Variants in DCLK1 observed in about 807,000 individuals in gnomAD.
DCLK1 encodes doublecortin like kinase 1.
Under a neutral mutation model 86.2 loss-of-function variants are expected in DCLK1, and 16 were observed. The observed-to-expected ratio is 0.19, with a 90% CI of 0.13 to 0.28. DCLK1 has a LOEUF of 0.28. DCLK1 is among the 10% of genes least tolerant of loss of function. The probability of loss-of-function intolerance (pLI) is 1.00; values close to 1 mark genes in which losing one functional copy is unlikely to be tolerated. For synonymous variants in DCLK1, 369 were observed against 370.5 expected (o/e 1.00, Z 0.05); for missense variants, 590 against 940.2 (o/e 0.63, Z 4.87).
intron 3 of DCLK1, among the ~76,000 whole-genome samples, chr13:36,024,665 T>C (rs999167863): frequency 6.6e-6 from 1 of 152,172 alleles, no homozygotes; most frequent in Non-Finnish European, 1.5e-5. Flanking sequence ...CCCTTCCAAA[T>C]TCTTCTACAG....
At chr13:35,973,792 G>A (rs772079665) in intron 3 of DCLK1, among the ~76,000 whole-genome samples, 1 of 152,172 alleles carries the variant, frequency 6.6e-6, no homozygotes, top group Non-Finnish European at 1.5e-5. Flanking sequence ...GGAGAAGATG[G>A]CAGAAAACTG....
chr13:35,904,486 C>T (rs1242319691), intron 4 of DCLK1, among the ~76,000 whole-genome samples: 3 of 152,206 alleles, frequency 2.0e-5, no homozygotes, highest in African/African-American at 7.2e-5. Flanking sequence ...GCCACTGTGC[C>T]TGGCCTAATA....
At chr13:35,825,221 A>G (rs2087491565) in intron 10 of DCLK1, among the ~76,000 whole-genome samples, 1 of 151,996 alleles carries the variant, frequency 6.6e-6, no homozygotes, top group Non-Finnish European at 1.5e-5. Flanking sequence ...CCCCACCCAC[A>G]TGTCTCAGTG....
Position 35,822,951 on chromosome 13 carries a change from A to T in DCLK1, c.1408-76T>A. ...GGCCACCTGCAGAGGCCATTGACAA[A>T]CCCCAAAGGACAGGAAGAATGGATG... is the stretch of plus-strand genomic sequence containing the variant. On this transcript the variant is annotated intron_variant, in intron 10 of 16. Coordinates refer to ENST00000360631, the MANE Select transcript of DCLK1 (RefSeq NM_001330071.2). The T allele has an allele frequency of 2.0e-6, 3 of 1,520,542 alleles. No homozygotes were observed. In the South Asian group the frequency reaches 3.5e-5, roughly 18 times the overall value. 94.2% of individuals were successfully genotyped at this position (1,520,542 alleles called of 1,614,324 possible). A position where few individuals can be genotyped will look rare whatever the true frequency, so the allele number is the denominator to read the frequency against.
intron 3 of DCLK1, among the ~76,000 whole-genome samples, chr13:35,962,308 G>A (rs1301476937): frequency 6.6e-6 from 1 of 152,088 alleles, no homozygotes; most frequent in Non-Finnish European, 1.5e-5. Flanking sequence ...TATGACTGGT[G>A]GCCTTATAAG....
At chr13:36,025,407 C>T (rs575520203) in intron 3 of DCLK1, among the ~76,000 whole-genome samples, 22 of 152,262 alleles carry the variant, frequency 1.4e-4, no homozygotes, top group African/African-American at 5.1e-4. Context: ...AAACCTATGG[C>T]CACACAAAAA....
At chr13:36,037,635 C>T (rs1218366376) in intron 3 of DCLK1, among the ~76,000 whole-genome samples, 2 of 151,956 alleles carry the variant, frequency 1.3e-5, no homozygotes, top group African/African-American at 4.8e-5. Context: ...AGGTGTGCAT[C>T]ACCACACCCA....
At chr13:36,061,848 C>T (rs1883559053) in intron 3 of DCLK1, among the ~76,000 whole-genome samples, 1 of 152,166 alleles carries the variant, frequency 6.6e-6, no homozygotes. Flanking sequence ...GATTTTCTGG[C>T]ATTAAATCAC....
Position 35,769,769 on chromosome 13 carries a change from C to A in DCLK1, c.*4766G>T, listed in dbSNP as rs113095988. ...CAAAATATTCAATTTTACATTAAAG[C>A]AACATTAAGGGTCTCAATTTCATTG... On this transcript the variant is annotated 3_prime_UTR_variant, in exon 17 of 17. Transcript: ENST00000360631. The A allele has an allele frequency of 1.1e-4, 16 of 152,190 alleles. 2 individuals carry two copies. The highest frequency in any genetic ancestry group is 3.9e-4 in the African/African-American group (16 of 41,520). 9.4% of individuals were successfully genotyped at this position (152,190 alleles called of 1,614,324 possible).
chr13:36,100,237 G>T (rs1885170800), intron 3 of DCLK1, among the ~76,000 whole-genome samples: 1 of 144,392 alleles, frequency 6.9e-6, no homozygotes, highest in Non-Finnish European at 1.5e-5. Flanking sequence ...AAATTAGCCA[G>T]GCATGGTGGT....
At chr13:35,915,764 A>T (rs1415185944) in intron 4 of DCLK1, among the ~76,000 whole-genome samples, 1 of 152,236 alleles carries the variant, frequency 6.6e-6, no homozygotes, top group Admixed American at 6.5e-5. Flanking sequence ...AATTTTTTTT[A>T]AAAGGCTAAG....
At chr13:35,846,380 CTT>C (rs1870177694) in intron 6 of DCLK1, 2 of 985,204 alleles carry the variant, frequency 2.0e-6, no homozygotes, top group African/African-American at 1.7e-5. Context: ...TTGCCTATAA[CTT>C]TTAGATATCT....
rs374420395 is a variant in DCLK1, at chr13:35,810,995, G to A, written c.1555-27C>T. 110 of 1,612,852 alleles carry A rather than the reference G, an allele frequency of 6.8e-5. No individual in the cohort carries two copies. In the African/African-American group the frequency reaches 1.2e-3, roughly 18 times the overall value. On this transcript the variant is annotated intron_variant, in intron 11 of 16. Transcript: ENST00000360631. Reference sequence around the variant, plus strand: ...TAAAACAAAGGTAAAAATCACAATTGTCTGAAAACCAAGAGCTCAAAAGCC... The same window carrying A: ...TAAAACAAAGGTAAAAATCACAATTATCTGAAAACCAAGAGCTCAAAAGCC...
intron 3 of DCLK1, among the ~76,000 whole-genome samples, chr13:36,037,251 G>A (rs1218349881): frequency 6.6e-6 from 1 of 152,142 alleles, no homozygotes; most frequent in African/African-American, 2.4e-5. Context: ...AAAGGGTAGG[G>A]GTTGAGGAGG....
chr13:35,933,468 G>A (rs1009524822), intron 4 of DCLK1, among the ~76,000 whole-genome samples: 3 of 152,224 alleles, frequency 2.0e-5, no homozygotes, highest in Non-Finnish European at 4.4e-5. Context: ...TGCTCCTGCA[G>A]TAAACTTGTG....
rs866509672 is a variant in DCLK1 at position 36,093,967 on chromosome 13, T to A, written c.723+17902A>T. ...CGGGGTCTCACCATATTGTCCAGTA[T>A]GGTATCAAACTCCTGGACTCCAGTG... On this transcript the variant is annotated intron_variant, in intron 3 of 16. Coordinates refer to ENST00000360631, the MANE Select transcript of DCLK1 (RefSeq NM_001330071.2). 5.3e-5 allele frequency among the ~76,000 whole-genome samples: 8 copies of A among 152,254 alleles called. No homozygotes were observed. In the South Asian group the frequency reaches 6.2e-4, roughly 12 times the overall value.
rs2153096103 is a variant in DCLK1, at chr13:35,769,345, C to T, written c.*5190G>A. 1 of 152,102 alleles carries T rather than the reference C, an allele frequency of 6.6e-6. No homozygotes were observed. Among genetic ancestry groups the T allele is most frequent in the East Asian group, 1.9e-4 (1 of 5,196 alleles). 9.4% of individuals were successfully genotyped at this position (152,102 alleles called of 1,614,324 possible). ...GAAACTTGTTTAAATGCGCCAAGTC[C>T]CTACGCACCTTTTTAGTATGTATGA... On this transcript the variant is annotated 3_prime_UTR_variant, in exon 17 of 17. Transcript: ENST00000360631.
intron 14 of DCLK1, among the ~76,000 whole-genome samples, chr13:35,807,864 G>T (rs2087060502): frequency 6.6e-6 from 1 of 152,184 alleles, no homozygotes; most frequent in Non-Finnish European, 1.5e-5. Flanking sequence ...AGGCTTCACT[G>T]GGAAATTAAG....
intron 5 of DCLK1, among the ~76,000 whole-genome samples, chr13:35,866,933 A>G (rs1871837321): frequency 6.6e-6 from 1 of 152,216 alleles, no homozygotes; most frequent in Admixed American, 6.5e-5. Context: ...GACCTGGGCC[A>G]GAGCAGTGGA....
Sources: gnomAD v4.1 joint callset for allele counts (sites outside exome capture counted in the v4.1 genomes callset) on GRCh38, gnomAD v4.1.1 for gene constraint, MANE v1.5 for transcripts, NCBI Gene and HGNC (gene_info 2026-07-23, HGNC 2026-07-21) for gene names.